GRIN2B: variants seen among roughly 807,000 people sequenced by gnomAD.
GRIN2B encodes the protein glutamate receptor ionotropic, NMDA 2B.
Under a neutral mutation model 114.5 loss-of-function variants are expected in GRIN2B, and 5 were observed. That is an observed-to-expected ratio of 0.04 (90% CI 0.02 to 0.09). The LOEUF (loss-of-function observed/expected upper bound fraction) is 0.09, where lower values mean the gene tolerates loss of function less well. Among genes scored for constraint, GRIN2B ranks in the 10% least tolerant of loss-of-function variants. The pLI is 1.00. For missense variants in GRIN2B, 1,108 were observed against 1,943.5 expected (o/e 0.57, Z 8.08); for synonymous variants, 787 against 745.1 (o/e 1.06, Z -0.92).
At chr12:13,895,399 A>G (rs78169045) in intron 2 of GRIN2B, among the ~76,000 whole-genome samples, 1 of 152,210 alleles carries the variant, frequency 6.6e-6, no homozygotes. Context: ...CCTTCATTAA[A>G]GGGACTTGAA....
At chr12:13,842,802 G>A (rs1258595628) in intron 3 of GRIN2B, among the ~76,000 whole-genome samples, 1 of 151,784 alleles carries the variant, frequency 6.6e-6, no homozygotes, top group Non-Finnish European at 1.5e-5. Context: ...GAATTATAAC[G>A]AGATAATTCA....
intron 5 of GRIN2B, among the ~76,000 whole-genome samples, chr12:13,647,538 G>C (rs578207866): frequency 5.3e-5 from 8 of 152,142 alleles, no homozygotes; most frequent in African/African-American, 1.7e-4. Flanking sequence ...AATGTATATG[G>C]TCTTGAAGTT....
At chr12:13,716,819 T>A (rs1472367332) in intron 4 of GRIN2B, among the ~76,000 whole-genome samples, 2 of 151,940 alleles carry the variant, frequency 1.3e-5, no homozygotes, top group Non-Finnish European at 2.9e-5. Flanking sequence ...GTTAGTTTCA[T>A]AATCTTTGGT....
At chr12:13,584,550 A>G (rs1425460794) in intron 10 of GRIN2B, among the ~76,000 whole-genome samples, 1 of 152,232 alleles carries the variant, frequency 6.6e-6, no homozygotes, top group East Asian at 1.9e-4. Flanking sequence ...GAGCATTAAC[A>G]TTCCTCAGAT....
chr12:13,668,003 T>C (rs986002954), intron 5 of GRIN2B, among the ~76,000 whole-genome samples: 5 of 152,164 alleles, frequency 3.3e-5, no homozygotes, highest in Non-Finnish European at 7.3e-5. Flanking sequence ...GGAAAAGCAT[T>C]GTAAAATAAA....
chr12:13,714,327 G>A (rs1322604470), intron 4 of GRIN2B, among the ~76,000 whole-genome samples: 2 of 151,858 alleles, frequency 1.3e-5, no homozygotes, highest in African/African-American at 4.8e-5. Flanking sequence ...CTGATACAGC[G>A]GGGAAAAAAT....
At chr12:13,892,051 C>A (rs1479997321) in intron 2 of GRIN2B, among the ~76,000 whole-genome samples, 1 of 152,190 alleles carries the variant, frequency 6.6e-6, no homozygotes, top group South Asian at 2.1e-4. Context: ...GTCATTTGAT[C>A]CTCATGACAA....
At chr12:13,573,267 T>C (rs2417292) in intron 10 of GRIN2B, among the ~76,000 whole-genome samples, 139,976 of 148,246 alleles carry the variant, frequency 0.94, 67,275 homozygotes, top group East Asian at 1. Context: ...CTGGCTAACA[T>C]GGTGAAACCC....
intron 2 of GRIN2B, among the ~76,000 whole-genome samples, chr12:13,888,139 C>CA (rs1371648848): frequency 6.6e-6 from 1 of 151,974 alleles, no homozygotes; most frequent in African/African-American, 2.4e-5. Flanking sequence ...TTGTTTAACC[C>CA]AAAAAAATCA....
At chr12:13,793,009 G>A (rs1864345888) in intron 3 of GRIN2B, among the ~76,000 whole-genome samples, 1 of 152,196 alleles carries the variant, frequency 6.6e-6, no homozygotes, top group Non-Finnish European at 1.5e-5. Flanking sequence ...TCACAAAGTG[G>A]TGCAGCCTGG....
chr12:13,821,356 G>A (rs1452684520), intron 3 of GRIN2B, among the ~76,000 whole-genome samples: 1 of 152,174 alleles, frequency 6.6e-6, no homozygotes, highest in East Asian at 1.9e-4. Context: ...ATACCATGCA[G>A]CTCAGAGGAG....
chr12:13,967,342 A>T (rs567955662), intron 2 of GRIN2B, among the ~76,000 whole-genome samples: 2 of 152,348 alleles, frequency 1.3e-5, no homozygotes, highest in South Asian at 4.2e-4. Flanking sequence ...AGTCAACCAT[A>T]AACATTTACT....
intron 3 of GRIN2B, among the ~76,000 whole-genome samples, chr12:13,823,010 A>G (rs138202305): frequency 1.1e-4 from 16 of 152,152 alleles, no homozygotes; most frequent in African/African-American, 3.9e-4. Context: ...GTATAGGTCC[A>G]TTTCTGAGCC....
At chr12:13,744,885 C>T (rs1288263114) in intron 4 of GRIN2B, among the ~76,000 whole-genome samples, 1 of 152,128 alleles carries the variant, frequency 6.6e-6, no homozygotes, top group Non-Finnish European at 1.5e-5. Context: ...TAGCTCCTGC[C>T]ACATATCTTC....
chr12:13,607,772 A>C (rs1949303407), intron 10 of GRIN2B, among the ~76,000 whole-genome samples: 1 of 151,740 alleles, frequency 6.6e-6, no homozygotes, highest in African/African-American at 2.4e-5. Flanking sequence ...ATCTTAAGGA[A>C]ATAGAGTAGA....
chr12:13,813,184 C>A (rs147523511), intron 3 of GRIN2B, among the ~76,000 whole-genome samples: 9 of 152,236 alleles, frequency 5.9e-5, no homozygotes, highest in South Asian at 4.2e-4. Flanking sequence ...ATCCACCCAT[C>A]TCGGCCTCCC....
At chr12:13,830,011 A>T (rs955470341) in intron 3 of GRIN2B, among the ~76,000 whole-genome samples, 3 of 152,196 alleles carry the variant, frequency 2.0e-5, no homozygotes, top group African/African-American at 7.2e-5. Flanking sequence ...TGGCAGTTCT[A>T]ATCCACTCTT....
intron 3 of GRIN2B, among the ~76,000 whole-genome samples, chr12:13,824,684 C>G (rs908960844): frequency 6.6e-6 from 1 of 151,884 alleles, no homozygotes; most frequent in African/African-American, 2.4e-5. Flanking sequence ...GAAACCCCGT[C>G]TCTACTAAAA....
rs1403752388 is a variant in GRIN2B, at chr12:13,668,882, T to C, written c.1125+6863A>G. On this transcript the variant is annotated intron_variant, in intron 5 of 13. Coordinates refer to ENST00000609686, the MANE Select transcript of GRIN2B (RefSeq NM_000834.5). ...TTGGCTCATGATAGGTGCTTAATAA[T>C]TATGTGTGAGAAGGAAAGAAGGAAT... 2.0e-5 allele frequency among the ~76,000 whole-genome samples: 3 copies of C among 150,084 alleles called. No individual in the cohort carries two copies. The East Asian group carries it at 5.9e-4, about 29-fold the overall frequency.
Sources: gnomAD v4.1 joint callset for allele counts (sites outside exome capture counted in the v4.1 genomes callset) on GRCh38, gnomAD v4.1.1 for gene constraint, MANE v1.5 for transcripts, NCBI Gene and HGNC (gene_info 2026-07-23, HGNC 2026-07-21) for gene names.